PITPNC1: variants seen among roughly 807,000 people sequenced by gnomAD.
The protein encoded by PITPNC1 is phosphatidylinositol transfer protein cytoplasmic 1.
Under a neutral mutation model 44.7 loss-of-function variants are expected in PITPNC1, and 18 were observed. The ratio of observed to expected loss-of-function variants is 0.40; its 90% CI spans 0.28 to 0.60. The LOEUF (loss-of-function observed/expected upper bound fraction) is 0.60, where lower values mean the gene tolerates loss of function less well. PITPNC1 is among the 20% of genes least tolerant of loss of function. PITPNC1 has a pLI of 0.39. For missense variants in PITPNC1, 290 were observed against 418.4 expected (o/e 0.69, Z 2.68); for synonymous variants, 141 against 149.6 (o/e 0.94, Z 0.42).
chr17:67,431,918 C>T (rs1010063953), intron 1 of PITPNC1, among the ~76,000 whole-genome samples: 2 of 152,154 alleles, frequency 1.3e-5, no homozygotes, highest in East Asian at 3.9e-4. Flanking sequence ...TTCTCTTTGG[C>T]TCAGTCAGAT....
chr17:67,391,461 A>G (rs570129598), intron 1 of PITPNC1, among the ~76,000 whole-genome samples: 1 of 152,128 alleles, frequency 6.6e-6, no homozygotes, highest in South Asian at 2.1e-4. Flanking sequence ...TTATGTTGAA[A>G]ATAACTAGTT....
intron 4 of PITPNC1, among the ~76,000 whole-genome samples, chr17:67,564,704 T>C (rs528192329): frequency 2.0e-5 from 3 of 152,230 alleles, no homozygotes; most frequent in Non-Finnish European, 2.9e-5. Context: ...GATTAAATTA[T>C]AAGAATTTTT....
rs2042977833 is a variant in PITPNC1, at chr17:67,694,469, C to T, written c.*1581C>T. ...GCCAGTGGACCCTGCCTGCTTCCCT[C>T]TCAGTGCTCAGCACTCTGTGTAGTG... On this transcript the variant is annotated 3_prime_UTR_variant, in exon 9 of 9. Coordinates refer to ENST00000581322, the MANE Select transcript of PITPNC1 (RefSeq NM_012417.4). The T allele has an allele frequency of 6.6e-6, 1 of 152,496 alleles. No individual in the cohort carries two copies. Among genetic ancestry groups the T allele is most frequent in the Non-Finnish European group, 1.5e-5 (1 of 68,288 alleles). 9.4% of individuals were successfully genotyped at this position (152,496 alleles called of 1,614,324 possible). A position where few individuals can be genotyped will look rare whatever the true frequency, so the allele number is the denominator to read the frequency against.
At chr17:67,439,872 T>C (rs2038987889) in intron 1 of PITPNC1, among the ~76,000 whole-genome samples, 1 of 152,020 alleles carries the variant, frequency 6.6e-6, no homozygotes, top group South Asian at 2.1e-4. Flanking sequence ...CAGCCGGTGA[T>C]GAATCAAGGA....
intron 8 of PITPNC1, among the ~76,000 whole-genome samples, chr17:67,691,338 CACTT>C (rs1567784260): frequency 6.6e-6 from 1 of 152,136 alleles, no homozygotes; most frequent in Non-Finnish European, 1.5e-5. Flanking sequence ...TTTACTTTCT[CACTT>C]AAATAAGAAC....
chr17:67,517,571 T>G (rs1022929225), intron 1 of PITPNC1, among the ~76,000 whole-genome samples: 24 of 152,250 alleles, frequency 1.6e-4, no homozygotes, highest in African/African-American at 5.5e-4. Context: ...CAATGGAATA[T>G]TATTCAGTAA....
chr17:67,544,767 C>A (rs2040655570), intron 2 of PITPNC1, among the ~76,000 whole-genome samples: 1 of 152,138 alleles, frequency 6.6e-6, no homozygotes, highest in South Asian at 2.1e-4. Context: ...GTTGATAGAA[C>A]CTTGTGGTCA....
At chr17:67,636,173 C>G (rs998644289) in intron 6 of PITPNC1, among the ~76,000 whole-genome samples, 6 of 151,040 alleles carry the variant, frequency 4.0e-5, no homozygotes, top group South Asian at 2.1e-4. Context: ...TGGTAGGTGC[C>G]TGTAATTCCA....
intron 6 of PITPNC1, among the ~76,000 whole-genome samples, chr17:67,667,132 C>A (rs968489700): frequency 7.2e-5 from 11 of 152,190 alleles, no homozygotes; most frequent in African/African-American, 2.7e-4. Flanking sequence ...CTGTGAGGTT[C>A]TTTCCCTTCC....
intron 8 of PITPNC1, among the ~76,000 whole-genome samples, chr17:67,689,057 C>A (rs1392881507): frequency 3.9e-5 from 6 of 152,100 alleles, no homozygotes; most frequent in Non-Finnish European, 7.4e-5. Context: ...ACAAAATTAG[C>A]TGGGCGTGGT....
chr17:67,496,608 C>G (rs2039955601), intron 1 of PITPNC1, among the ~76,000 whole-genome samples: 1 of 152,084 alleles, frequency 6.6e-6, no homozygotes, highest in South Asian at 2.1e-4. Context: ...TGGTTTAACC[C>G]TCCTGAGAGC....
chr17:67,494,832 C>T (rs1020771023), intron 1 of PITPNC1, among the ~76,000 whole-genome samples: 3 of 151,838 alleles, frequency 2.0e-5, no homozygotes, highest in South Asian at 2.1e-4. Flanking sequence ...ATTAGTCGGA[C>T]GTGGTGCTGC....
chr17:67,401,065 G>A (rs2143820812), intron 1 of PITPNC1, among the ~76,000 whole-genome samples: 1 of 152,116 alleles, frequency 6.6e-6, no homozygotes, highest in Non-Finnish European at 1.5e-5. Flanking sequence ...CTCCCGAGTA[G>A]CTGGGATTAC....
intron 1 of PITPNC1, among the ~76,000 whole-genome samples, chr17:67,413,513 C>CA (rs1438738264): frequency 6.6e-6 from 1 of 151,796 alleles, no homozygotes; most frequent in Admixed American, 6.6e-5. Flanking sequence ...TCATTACTGT[C>CA]ATGCTGGCCA....
chr17:67,419,027 C>A (rs1487060598), intron 1 of PITPNC1, among the ~76,000 whole-genome samples: 3 of 152,164 alleles, frequency 2.0e-5, no homozygotes, highest in Non-Finnish European at 4.4e-5. Context: ...TACAAAGCTA[C>A]CACTGGTTAC....
intron 4 of PITPNC1, among the ~76,000 whole-genome samples, chr17:67,568,381 G>T (rs1000609857): frequency 6.6e-6 from 1 of 152,192 alleles, no homozygotes; most frequent in Non-Finnish European, 1.5e-5. Flanking sequence ...ATGGATACAG[G>T]GCTTCTTTGG....
chr17:67,425,197 G>GCACACACA lies in PITPNC1; in HGVS notation c.48+47000_48+47001insACACACAC, dbSNP rs60303181. ...AAACAGCCATGTTGTGCGCGCGCACGCACACGCACACACACACACACACAC... is the reference window on the plus strand; with the variant it reads ...AAACAGCCATGTTGTGCGCGCGCACGCACACACACACACGCACACACACACACACACAC... On this transcript the variant is annotated intron_variant, in intron 1 of 8. Transcript: ENST00000581322. Among the ~76,000 whole-genome samples, 24 of 98,460 alleles carry GCACACACA rather than the reference G, an allele frequency of 2.4e-4. No individual in the cohort carries two copies. In the East Asian group the frequency reaches 3.0e-3, roughly 12 times the overall value. The allele number at this position is 98,460 out of a possible 152,430, so 64.6% of individuals were successfully genotyped here.
At chr17:67,467,733 C>T (rs1009334370) in intron 1 of PITPNC1, among the ~76,000 whole-genome samples, 5 of 152,176 alleles carry the variant, frequency 3.3e-5, no homozygotes, top group African/African-American at 1.2e-4. Flanking sequence ...TGCATGTTGC[C>T]TTTGGGCCTT....
chr17:67,423,147 GTTA>G (rs2143870352), intron 1 of PITPNC1, among the ~76,000 whole-genome samples: 1 of 152,260 alleles, frequency 6.6e-6, no homozygotes, highest in African/African-American at 2.4e-5. Flanking sequence ...GCACGTCTGC[GTTA>G]TTAACTTGTT....
Sources: gnomAD v4.1 joint callset for allele counts (sites outside exome capture counted in the v4.1 genomes callset) on GRCh38, gnomAD v4.1.1 for gene constraint, MANE v1.5 for transcripts, NCBI Gene and HGNC (gene_info 2026-07-23, HGNC 2026-07-21) for gene names.